Variants in ROBO1 observed in about 807,000 individuals in gnomAD.
The protein encoded by ROBO1 is roundabout guidance receptor 1.
In ROBO1, 149 loss-of-function variants were observed where a neutral mutation model predicts 195.9. The ratio of observed to expected loss-of-function variants is 0.76; its 90% confidence interval spans 0.67 to 0.87. ROBO1 has a LOEUF of 0.87. Ranked by LOEUF, ROBO1 falls within the 40% of genes least tolerant of loss-of-function variation. The pLI is 0.00. For missense variants in ROBO1, 1,933 were observed against 2,068.3 expected (o/e 0.93, Z 1.27); for synonymous variants, 816 against 733.2 (o/e 1.11, Z -1.82).
chr3:79,026,199 A>G (rs1374882), intron 3 of ROBO1, among the ~76,000 whole-genome samples: 147,707 of 152,162 alleles, frequency 0.97, 71,805 homozygotes, highest in East Asian at 1. Flanking sequence ...TGCTGTGCAT[A>G]CTATTCTAAG....
chr3:79,714,947 A>T (rs1702424174), intron 1 of ROBO1, among the ~76,000 whole-genome samples: 1 of 151,798 alleles, frequency 6.6e-6, no homozygotes, highest in Non-Finnish European at 1.5e-5. Context: ...ATGTATACAT[A>T]TGTAACTAAC....
At chr3:79,203,954 CTTTTA>C (rs2081816355) in intron 2 of ROBO1, among the ~76,000 whole-genome samples, 1 of 152,060 alleles carries the variant, frequency 6.6e-6, no homozygotes, top group Non-Finnish European at 1.5e-5. Context: ...AATTGGTATC[CTTTTA>C]TTTTCATTTC....
chr3:78,673,473 A>AAT (rs1012808608), intron 10 of ROBO1, among the ~76,000 whole-genome samples: 1 of 143,030 alleles, frequency 7.0e-6, no homozygotes, highest in African/African-American at 2.5e-5. Context: ...CTGTTATAAA[A>AAT]ATATATATAT....
chr3:79,307,983 G>A (rs980986148), intron 2 of ROBO1, among the ~76,000 whole-genome samples: 4 of 152,110 alleles, frequency 2.6e-5, no homozygotes, highest in Non-Finnish European at 5.9e-5. Context: ...ATAACATTGA[G>A]TGTCCTGCTT....
chr3:78,638,265 A>G (rs1022866111), intron 22 of ROBO1, among the ~76,000 whole-genome samples: 9 of 137,494 alleles, frequency 6.5e-5, no homozygotes, highest in Non-Finnish European at 1.4e-4. Flanking sequence ...ATATATGTAT[A>G]TGTGTATATA....
In ROBO1 at chr3:79,117,246, T is replaced by G. The variant is rs371108439; in HGVS notation, c.172+8210A>C. On this transcript the variant is annotated intron_variant, in intron 3 of 30. Transcript: ENST00000464233. ...TTAGCTGGGCATGGTGGCACGCACC[T>G]GTAGTCCCAGCTACTTGGGAGGATG... Among the ~76,000 whole-genome samples the G allele has an allele frequency of 1.2e-4, 19 of 152,246 alleles. 1 individual carries two copies. Among genetic ancestry groups the G allele is most frequent in the African/African-American group, 4.3e-4 (18 of 41,562 alleles).
intron 2 of ROBO1, among the ~76,000 whole-genome samples, chr3:79,336,938 T>C (rs1157970843): frequency 1.3e-5 from 2 of 152,202 alleles, no homozygotes; most frequent in Non-Finnish European, 2.9e-5. Context: ...TTTTTATGTT[T>C]AGTTTAATGT....
chr3:79,138,471 A>G (rs1576723798), intron 2 of ROBO1, among the ~76,000 whole-genome samples: 1 of 152,060 alleles, frequency 6.6e-6, no homozygotes, highest in Non-Finnish European at 1.5e-5. Context: ...ATCTATCTAA[A>G]ATATTATAGT....
At position 78,606,876 on chromosome 3, in the gene ROBO1, A is replaced by G. The variant is rs779835303; in HGVS notation, c.4601T>C (p.Val1534Ala). 5.0e-6 allele frequency: 8 copies of G among 1,613,400 alleles called. No homozygotes were observed. Among genetic ancestry groups the G allele is most frequent in the Non-Finnish European group, 6.8e-6 (8 of 1,179,814 alleles). Residue 1534 changes from valine (V) to alanine (A), a missense_variant, in exon 29 of 31, where the codon GTG becomes GCG. By Grantham distance (64) the Val-to-Ala change is moderately conservative. This residue lies in a region of ROBO1 where 1,737 missense variants were observed against 1,882.5 expected (regional missense o/e 0.92). Transcript: ENST00000464233. The part of the protein sequence containing the change: ...RKGSSYKGRE[V>A]LDGRQVVDMR... Reference sequence around the variant, plus strand: ...GTCAACAACCTGTCTTCCATCCAACACTTCTCTCCCCTTGTAACTGCTTCC... The same window carrying G: ...GTCAACAACCTGTCTTCCATCCAACGCTTCTCTCCCCTTGTAACTGCTTCC...
intron 2 of ROBO1, among the ~76,000 whole-genome samples, chr3:79,475,465 C>T (rs901662769): frequency 6.6e-6 from 1 of 151,804 alleles, no homozygotes; most frequent in Admixed American, 6.6e-5. Flanking sequence ...TATTACAACT[C>T]AATAAAGTCT....
chr3:79,060,353 T>G (rs1210777744), intron 3 of ROBO1, among the ~76,000 whole-genome samples: 1 of 152,016 alleles, frequency 6.6e-6, no homozygotes, highest in African/African-American at 2.4e-5. Flanking sequence ...CTTTGAAGCA[T>G]GTGATCTCTG....
intron 2 of ROBO1, among the ~76,000 whole-genome samples, chr3:79,315,034 T>C (rs2033672183): frequency 1.3e-5 from 2 of 152,328 alleles, no homozygotes; most frequent in Admixed American, 1.3e-4. Flanking sequence ...AATGGGAAAC[T>C]GTCATATAGG....
intron 3 of ROBO1, among the ~76,000 whole-genome samples, chr3:78,996,823 ATG>A (rs1303854759): frequency 1.3e-5 from 2 of 152,206 alleles, no homozygotes; most frequent in Admixed American, 6.5e-5. Context: ...ATACATAAGC[ATG>A]TGTGTATACA....
At chr3:78,630,343 T>A (rs1705106916) in intron 25 of ROBO1, among the ~76,000 whole-genome samples, 1 of 152,296 alleles carries the variant, frequency 6.6e-6, no homozygotes, top group Admixed American at 6.5e-5. Flanking sequence ...CCTGTCAATA[T>A]TTTTATATAA....
At chr3:78,879,547 A>T (rs2107238864) in intron 4 of ROBO1, among the ~76,000 whole-genome samples, 1 of 152,152 alleles carries the variant, frequency 6.6e-6, no homozygotes, top group South Asian at 2.1e-4. Context: ...AAAGAACTAA[A>T]TACCATCTGT....
chr3:78,727,937 CA>C (rs2082202498), intron 5 of ROBO1, among the ~76,000 whole-genome samples: 1 of 151,732 alleles, frequency 6.6e-6, no homozygotes, highest in South Asian at 2.1e-4. Context: ...ACTAATCTCA[CA>C]AAATAATTTT....
intron 2 of ROBO1, among the ~76,000 whole-genome samples, chr3:79,144,838 G>A (rs145921591): frequency 2.6e-4 from 40 of 151,992 alleles, no homozygotes; most frequent in Admixed American, 1.7e-3. Flanking sequence ...AATCTGTTAC[G>A]TTGCCACTGT....
At chr3:79,520,419 C>T (rs1194559728) in intron 2 of ROBO1, among the ~76,000 whole-genome samples, 1 of 152,108 alleles carries the variant, frequency 6.6e-6, no homozygotes, top group East Asian at 1.9e-4. Context: ...ATTTTCTGGC[C>T]TCAGTAGTTG....
At chr3:79,293,546 T>C (rs1043059080) in intron 2 of ROBO1, among the ~76,000 whole-genome samples, 2 of 152,186 alleles carry the variant, frequency 1.3e-5, no homozygotes, top group African/African-American at 2.4e-5. Flanking sequence ...AAACACTGCT[T>C]TAGCTGTGTC....
Sources: allele counts gnomAD v4.1 joint callset (sites outside exome capture counted in the v4.1 genomes callset), GRCh38; gene constraint gnomAD v4.1.1; regional missense constraint gnomAD v4.1.1; transcripts MANE v1.5; gene names NCBI Gene and HGNC (gene_info 2026-07-23, HGNC 2026-07-21).